Variants in KAZN observed in about 807,000 individuals in gnomAD.
The protein encoded by KAZN is kazrin, periplakin interacting protein.
A neutral mutation model predicts 87.4 loss-of-function variants in KAZN; 40 were observed. That is an observed-to-expected ratio of 0.46 (90% CI 0.36 to 0.60). The LOEUF is 0.60. Among genes scored for constraint, KAZN ranks in the 20% least tolerant of loss-of-function variants. The pLI, the probability that KAZN is intolerant of heterozygous loss-of-function variation, is 0.00. For synonymous variants in KAZN, 466 were observed against 458.3 expected (o/e 1.02, Z -0.22); for missense variants, 898 against 1,073.9 (o/e 0.84, Z 2.29).
chr1:14,412,856 T>C (rs1351176262), intron 2 of KAZN, among the ~76,000 whole-genome samples: 2 of 151,088 alleles, frequency 1.3e-5, no homozygotes, highest in East Asian at 1.9e-4. Flanking sequence ...TATCAAGATA[T>C]CATAAAATTG....
intron 1 of KAZN, among the ~76,000 whole-genome samples, chr1:14,610,490 T>C (rs1345018069): frequency 1.3e-5 from 2 of 152,140 alleles, no homozygotes; most frequent in African/African-American, 4.8e-5. Flanking sequence ...CCCAAAGTGC[T>C]GGGATTACAG....
At chr1:14,326,581 C>G (rs1003910165) in intron 2 of KAZN, among the ~76,000 whole-genome samples, 8 of 152,124 alleles carry the variant, frequency 5.3e-5, no homozygotes, top group African/African-American at 1.9e-4. Context: ...CCATCCTACT[C>G]AAAATAAAAT....
At chr1:15,112,667 G>T in intron 14 of KAZN, 126 bp downstream of exon 14, 1 of 648,788 alleles carries the variant, frequency 1.5e-6, no homozygotes. Context: ...GGGTCACGGG[G>T]GCATCCAGGA....
In KAZN at chr1:15,036,403, C is replaced by CACCCAGCTCCCCTTCCCCTGCCT. The variant is rs1472228194; in HGVS notation, c.555+1519_555+1541dup. On this transcript the variant is annotated intron_variant, in intron 3 of 14. Transcript: ENST00000376030. The stretch of plus-strand genomic sequence containing the variant: ...CCTGCCCAGCTCCCCCTGCCCTGAC[C>CACCCAGCTCCCCTTCCCCTGCCT]ACCCAGCTCCCCTTCCCCTGCCTGT... 4.8e-3 allele frequency among the ~76,000 whole-genome samples: 610 copies of CACCCAGCTCCCCTTCCCCTGCCT among 126,272 alleles called. 3 individuals carry two copies. The highest frequency in any genetic ancestry group is 0.016 in the Middle Eastern group (4 of 244). 82.8% of individuals were successfully genotyped at this position (126,272 alleles called of 152,430 possible).
At chr1:14,493,059 T>A (rs936159782) in intron 2 of KAZN, among the ~76,000 whole-genome samples, 1 of 152,078 alleles carries the variant, frequency 6.6e-6, no homozygotes, top group Non-Finnish European at 1.5e-5. Flanking sequence ...CTCTCAGGCC[T>A]GTTGGAATGT....
chr1:14,456,422 T>G (rs1364701576), intron 2 of KAZN, among the ~76,000 whole-genome samples: 1 of 152,218 alleles, frequency 6.6e-6, no homozygotes, highest in Non-Finnish European at 1.5e-5. Context: ...TGTTGAGTTT[T>G]TTTTTTATGT....
chr1:14,839,286 G>C (rs1010346296), intron 1 of KAZN, among the ~76,000 whole-genome samples: 1 of 152,130 alleles, frequency 6.6e-6, no homozygotes, highest in African/African-American at 2.4e-5. Flanking sequence ...AGAGACTCTA[G>C]ACAAGTCCCC....
rs373218628 is a variant in KAZN at position 14,014,593 on chromosome 1, AAGGGTT to A, written c.91+120841_91+120846del. 2.5e-3 allele frequency among the ~76,000 whole-genome samples: 382 copies of A among 152,284 alleles called. 3 individuals are homozygous for A. Among genetic ancestry groups the A allele is most frequent in the African/African-American group, 9.0e-3 (372 of 41,562 alleles). ...GATAAGCATGGCTTCTCCATTTTTA[AAGGGTT>A]AGGAAAAAAATCAAAAGAAGAATAA... On this transcript the variant is annotated intron_variant, in intron 1 of 16. Coordinates refer to the KAZN transcript ENST00000636203.
At chr1:15,003,348 G>C (rs554206347) in intron 2 of KAZN, among the ~76,000 whole-genome samples, 3 of 152,214 alleles carry the variant, frequency 2.0e-5, no homozygotes, top group Admixed American at 6.5e-5. Flanking sequence ...TGTGTTCAGG[G>C]GTGTGGGTCA....
At chr1:14,561,125 A>G (rs1674230286) in intron 2 of KAZN, among the ~76,000 whole-genome samples, 1 of 152,048 alleles carries the variant, frequency 6.6e-6, no homozygotes, top group South Asian at 2.1e-4. Context: ...CCCAAACCAT[A>G]TTTCCCATAC....
chr1:14,738,891 G>T (rs1270838011), intron 1 of KAZN, among the ~76,000 whole-genome samples: 1 of 152,148 alleles, frequency 6.6e-6, no homozygotes, highest in Non-Finnish European at 1.5e-5. Flanking sequence ...AGACCCGTCT[G>T]GTCAAGTGCA....
intron 1 of KAZN, among the ~76,000 whole-genome samples, chr1:14,950,976 A>G (rs1439358604): frequency 6.6e-6 from 1 of 152,136 alleles, no homozygotes; most frequent in Admixed American, 6.5e-5. Flanking sequence ...CAAACTTCCT[A>G]TGTTTAACTG....
Position 15,081,865 on chromosome 1 carries a change from G to T in KAZN, c.1223-12315G>T, listed in dbSNP as rs1473643888. 6.6e-6 allele frequency among the ~76,000 whole-genome samples: 1 copy of T among 152,154 alleles called. No homozygotes were observed. Among genetic ancestry groups the T allele is most frequent in the Non-Finnish European group, 1.5e-5 (1 of 68,030 alleles). On this transcript the variant is annotated intron_variant, in intron 8 of 14. Coordinates refer to ENST00000376030, the MANE Select transcript of KAZN (RefSeq NM_201628.3). The surrounding 1 kb of genome is among the most constrained non-coding windows in gnomAD (Gnocchi z 4.1). ...CTGTGGGTCACAGCAAGGACCTTGGGCTTTACCAGGGAGCCATTGAAGGAT... is the reference window on the plus strand; with the variant it reads ...CTGTGGGTCACAGCAAGGACCTTGGTCTTTACCAGGGAGCCATTGAAGGAT...
At chr1:14,311,880 T>C (rs560255511) in intron 2 of KAZN, among the ~76,000 whole-genome samples, 2 of 152,176 alleles carry the variant, frequency 1.3e-5, no homozygotes, top group East Asian at 1.9e-4. Flanking sequence ...AATAAACTTA[T>C]GATGCTTGCA....
intron 1 of KAZN, among the ~76,000 whole-genome samples, chr1:14,885,061 A>G (rs1228352621): frequency 6.6e-6 from 1 of 152,214 alleles, no homozygotes; most frequent in African/African-American, 2.4e-5. Context: ...GGGAGCTATT[A>G]TCCGTCGGTA....
rs181031480 is a variant in KAZN at position 14,234,835 on chromosome 1, A to G, written c.249+54243A>G. On this transcript the variant is annotated intron_variant, in intron 2 of 16. Transcript: ENST00000636203. ...GGCAAAGCAGGTTGGCATATGTAGTAAGAACCTTTCAGATATGTATACTCA... is the reference window on the plus strand; with the variant it reads ...GGCAAAGCAGGTTGGCATATGTAGTGAGAACCTTTCAGATATGTATACTCA... Among the ~76,000 whole-genome samples the G allele has an allele frequency of 8.5e-5, 13 of 152,362 alleles. No individual in the cohort carries two copies. In the East Asian group the frequency reaches 1.9e-3, roughly 23 times the overall value.
At chr1:14,020,420 C>T (rs542623737) in intron 1 of KAZN, among the ~76,000 whole-genome samples, 5 of 152,262 alleles carry the variant, frequency 3.3e-5, no homozygotes, top group Admixed American at 2.6e-4. Context: ...TTCACTTCAC[C>T]CCCATCCCTA....
At chr1:14,364,672 T>A (rs141861550) in intron 2 of KAZN, among the ~76,000 whole-genome samples, 216 of 152,300 alleles carry the variant, frequency 1.4e-3, no homozygotes, top group African/African-American at 4.5e-3. Flanking sequence ...ACAAACTGGG[T>A]GACTTAAAAC....
chr1:14,497,454 C>T (rs1670010497), intron 2 of KAZN, among the ~76,000 whole-genome samples: 1 of 149,388 alleles, frequency 6.7e-6, no homozygotes, highest in Non-Finnish European at 1.5e-5. Flanking sequence ...GAAAAGATTT[C>T]ACAAAAGTAA....
Sources: allele counts gnomAD v4.1 joint callset (sites outside exome capture counted in the v4.1 genomes callset), GRCh38; gene constraint gnomAD v4.1.1; non-coding constraint Gnocchi (gnomAD v3.1); transcripts MANE v1.5; gene names NCBI Gene and HGNC (gene_info 2026-07-23, HGNC 2026-07-21).